Variants in PRKAR2A observed in about 807,000 individuals in gnomAD.
PRKAR2A encodes the protein cAMP-dependent protein kinase type II-alpha regulatory subunit.
Under a neutral mutation model 51.9 loss-of-function variants are expected in PRKAR2A, and 29 were observed. The ratio of observed to expected loss-of-function variants is 0.56; its 90% CI spans 0.42 to 0.76. The LOEUF is 0.76. Ranked by LOEUF, PRKAR2A falls within the 30% of genes least tolerant of loss-of-function variation. The pLI is 0.00. For missense variants in PRKAR2A, 445 were observed against 512.1 expected (o/e 0.87, Z 1.26); for synonymous variants, 178 against 186.2 (o/e 0.96, Z 0.36).
intron 2 of PRKAR2A, among the ~76,000 whole-genome samples, chr3:48,803,543 G>C (rs529571062): frequency 3.3e-5 from 5 of 152,300 alleles, no homozygotes; most frequent in African/African-American, 1.2e-4. Context: ...TCCTGCCTCA[G>C]CCTCCTGAGT....
intron 5 of PRKAR2A, among the ~76,000 whole-genome samples, chr3:48,780,163 C>A (rs6762139): frequency 0.81 from 120,898 of 148,388 alleles, 49,498 homozygotes; most frequent in East Asian, 1. Flanking sequence ...GTACCCCCCC[C>A]AAAAAAAAAC....
intron 5 of PRKAR2A, among the ~76,000 whole-genome samples, chr3:48,778,819 G>GAAAA (rs2082145307): frequency 7.8e-6 from 1 of 128,812 alleles, no homozygotes; most frequent in African/African-American, 3.0e-5. Flanking sequence ...TGCTCGGCCT[G>GAAAA]CATTTTTTTT....
intron 8 of PRKAR2A, among the ~76,000 whole-genome samples, chr3:48,758,347 G>A (rs922192790): frequency 1.3e-5 from 2 of 151,688 alleles, no homozygotes; most frequent in Admixed American, 6.6e-5. Context: ...GGGAGGCCAC[G>A]GCAGGCAGAC....
At position 48,829,608 on chromosome 3, in the gene PRKAR2A, G is replaced by GTGTGTATATATACACACATAAA. The variant is rs2083138794; in HGVS notation, c.262+17726_262+17727insTTTATGTGTGTATATATACACA. ...TGTGTATATATACACACACATAAAT[G>GTGTGTATATATACACACATAAA]TGTGTGTGTATACGTGTGTATACAC... On this transcript the variant is annotated intron_variant, in intron 1 of 10. Transcript: ENST00000265563. Among the ~76,000 whole-genome samples, 2 of 12,424 alleles carry GTGTGTATATATACACACATAAA rather than the reference G, an allele frequency of 1.6e-4. 1 individual carries two copies. Among genetic ancestry groups the GTGTGTATATATACACACATAAA allele is most frequent in the Admixed American group, 2.2e-3 (2 of 918 alleles). 8.2% of individuals were successfully genotyped at this position (12,424 alleles called of 152,430 possible). A position where few individuals can be genotyped will look rare whatever the true frequency, so the allele number is the denominator to read the frequency against.
chr3:48,757,733 G>A (rs1469995939), intron 8 of PRKAR2A, among the ~76,000 whole-genome samples: 2 of 151,412 alleles, frequency 1.3e-5, no homozygotes, highest in South Asian at 4.2e-4. Flanking sequence ...CACCAGCCTG[G>A]GCAAAATGGT....
intron 1 of PRKAR2A, among the ~76,000 whole-genome samples, chr3:48,814,946 C>T (rs957475499): frequency 6.6e-6 from 1 of 152,186 alleles, no homozygotes; most frequent in Non-Finnish European, 1.5e-5. Flanking sequence ...GAGTCTCGCT[C>T]TGTTGCCCAG....
In PRKAR2A at chr3:48,778,821, ATTTTTTTT is replaced by A. The variant is rs759904828; in HGVS notation, c.542+4157_542+4164del. On this transcript the variant is annotated intron_variant, in intron 5 of 10. Coordinates refer to ENST00000265563, the MANE Select transcript of PRKAR2A (RefSeq NM_004157.4). Reference sequence around the variant, plus strand: ...GCGTGAGCCACGGTGCTCGGCCTGCATTTTTTTTTTTTTTTTTTTTTGAGATGGAGTTT... The same window carrying A: ...GCGTGAGCCACGGTGCTCGGCCTGCATTTTTTTTTTTTTGAGATGGAGTTT... 2.0e-4 allele frequency among the ~76,000 whole-genome samples: 17 copies of A among 86,410 alleles called. No individual in the cohort carries two copies. In the Admixed American group the frequency reaches 2.2e-3, roughly 11 times the overall value. The allele number at this position is 86,410 out of a possible 152,430, so 56.7% of individuals were successfully genotyped here.
At position 48,808,025 on chromosome 3, in the gene PRKAR2A, A is replaced by T. The variant is rs139129950; in HGVS notation, c.263-341T>A. 3.1e-3 allele frequency among the ~76,000 whole-genome samples: 474 copies of T among 151,872 alleles called. 4 individuals carry two copies. Among genetic ancestry groups the T allele is most frequent in the African/African-American group, 0.011 (442 of 41,502 alleles). ...GATAATGTTATGATATAAAGTAGTG[A>T]AATTTTCTTTTTTTCTTTCTTTCTT... is the stretch of plus-strand genomic sequence containing the variant. On this transcript the variant is annotated intron_variant, in intron 1 of 10. Coordinates refer to ENST00000265563, the MANE Select transcript of PRKAR2A (RefSeq NM_004157.4).
intron 5 of PRKAR2A, among the ~76,000 whole-genome samples, chr3:48,779,505 G>A (rs1301855167): frequency 6.6e-6 from 1 of 151,824 alleles, no homozygotes; most frequent in Non-Finnish European, 1.5e-5. Context: ...TATAGACCTG[G>A]CATGGTGGCT....
At chr3:48,834,972 T>C (rs1321926873) in intron 1 of PRKAR2A, among the ~76,000 whole-genome samples, 1 of 148,300 alleles carries the variant, frequency 6.7e-6, no homozygotes, top group Non-Finnish European at 1.5e-5. Context: ...AGGATCACTT[T>C]TTTTTTTTTT....
intron 1 of PRKAR2A, among the ~76,000 whole-genome samples, chr3:48,813,669 G>A (rs2107379398): frequency 6.6e-6 from 1 of 151,890 alleles, no homozygotes; most frequent in Admixed American, 6.6e-5. Flanking sequence ...ACTCCAGCCT[G>A]GGCAACAGAG....
At chr3:48,836,381 T>C (rs939341762) in intron 1 of PRKAR2A, among the ~76,000 whole-genome samples, 2 of 136,086 alleles carry the variant, frequency 1.5e-5, no homozygotes, top group African/African-American at 5.7e-5. Context: ...ATTGTGCCAT[T>C]GTGCACTCCA....
intron 1 of PRKAR2A, among the ~76,000 whole-genome samples, chr3:48,839,016 A>G (rs1314043965): frequency 1.4e-5 from 2 of 146,976 alleles, no homozygotes; most frequent in African/African-American, 5.1e-5. Flanking sequence ...GGTCAGGTGC[A>G]GTGGCTCATG....
At position 48,809,621 on chromosome 3, in the gene PRKAR2A, A is replaced by C. The variant is rs936967644; in HGVS notation, c.263-1937T>G. 8.0e-5 allele frequency among the ~76,000 whole-genome samples: 12 copies of C among 150,780 alleles called. No homozygotes were observed. The East Asian group carries it at 2.1e-3, about 27-fold the overall frequency. ...AAAAAAAAAAAAAAAAAAAAAAAAA[A>C]AACTATATAGTTTAGTGACAGACTT... On this transcript the variant is annotated intron_variant, in intron 1 of 10. Coordinates refer to ENST00000265563, the MANE Select transcript of PRKAR2A (RefSeq NM_004157.4).
chr3:48,823,564 T>A (rs1406401436), intron 1 of PRKAR2A, among the ~76,000 whole-genome samples: 2 of 152,010 alleles, frequency 1.3e-5, no homozygotes, highest in Non-Finnish European at 2.9e-5. Context: ...ACCAAAAATG[T>A]CATAAGACTT....
intron 1 of PRKAR2A, among the ~76,000 whole-genome samples, chr3:48,813,940 A>G (rs1364351937): frequency 6.6e-6 from 1 of 152,106 alleles, no homozygotes; most frequent in East Asian, 1.9e-4. Context: ...CCTGGCCAAC[A>G]TGGCGAAACC....
At position 48,790,547 on chromosome 3, in the gene PRKAR2A, A is replaced by T. The variant is rs1048055263; in HGVS notation, c.432T>A (p.Asp144Glu). ...ATACTTTAGAAATCAATGTTACCTG[A>T]TCAAGATTTTTGAAAAGGAGAATAT... ...CKDILLFKNL[D>E]QEQLSQVLDA... is the part of the protein sequence containing the mutation. Residue 144 changes from aspartate (D) to glutamate (E), a missense_variant, in exon 4 of 11, where the codon GAT (aspartate) becomes GAA (glutamate). Physicochemically the swap from Asp to Glu is conservative, Grantham distance 45. Transcript: ENST00000265563. 5 of 1,542,368 alleles carry T rather than the reference A, an allele frequency of 3.2e-6. No individual in the cohort carries two copies. The highest frequency in any genetic ancestry group is 4.4e-6 in the Non-Finnish European group (5 of 1,146,348).
At chr3:48,768,163 G>T (rs560075758) in intron 6 of PRKAR2A, among the ~76,000 whole-genome samples, 1 of 151,586 alleles carries the variant, frequency 6.6e-6, no homozygotes, top group Non-Finnish European at 1.5e-5. Flanking sequence ...GCGTGGTGGC[G>T]TGCACTTGTG....
chr3:48,820,012 G>A lies in PRKAR2A; in HGVS notation c.263-12328C>T, dbSNP rs138195291. Among the ~76,000 whole-genome samples, 426 of 152,278 alleles carry A rather than the reference G, an allele frequency of 2.8e-3. 3 individuals are homozygous for A. Among genetic ancestry groups the A allele is most frequent in the African/African-American group, 9.5e-3 (396 of 41,556 alleles). Reference sequence around the variant, plus strand: ...TCATAGGATAGGGTGCATGATCCAAGCCAGGCAAATCAGTGTTCTTAAGCA... The same window carrying A: ...TCATAGGATAGGGTGCATGATCCAAACCAGGCAAATCAGTGTTCTTAAGCA... On this transcript the variant is annotated intron_variant, in intron 1 of 10. Transcript: ENST00000265563.
Sources: allele counts gnomAD v4.1 joint callset (sites outside exome capture counted in the v4.1 genomes callset), GRCh38; gene constraint gnomAD v4.1.1; transcripts MANE v1.5; gene names NCBI Gene and HGNC (gene_info 2026-07-23, HGNC 2026-07-21).